The following ROBO2 variants were observed in gnomAD, a reference collection of about 807,000 sequenced individuals.
ROBO2 encodes roundabout guidance receptor 2.
A neutral mutation model predicts 160.8 loss-of-function variants in ROBO2; 53 were observed. The observed-to-expected ratio is 0.33, with a 90% CI of 0.26 to 0.41. The LOEUF (loss-of-function observed/expected upper bound fraction) is 0.41. Ranked by LOEUF, ROBO2 falls within the 10% of genes least tolerant of loss-of-function variation. ROBO2 has a pLI of 1.00. For synonymous variants in ROBO2, 664 were observed against 611.7 expected, an observed-to-expected ratio of 1.09 and a Z score of -1.26; for missense variants, 1,577 against 1,722.4, an observed-to-expected ratio of 0.92 and a Z score of 1.49.
At chr3:77,090,066 A>C (rs986203364) in intron 1 of ROBO2, among the ~76,000 whole-genome samples, 3 of 152,102 alleles carry the variant, frequency 2.0e-5, no homozygotes, top group Non-Finnish European at 4.4e-5. Context: ...TTGGAAATCT[A>C]GTGTAAAGCT....
intron 23 of ROBO2, chr3:77,632,780 TAC>T (rs2095192716): frequency 1.2e-6 from 1 of 843,508 alleles, no homozygotes; most frequent in African/African-American, 1.7e-5. Flanking sequence ...TACGCATGAA[TAC>T]AGTTTGGATG....
intron 2 of ROBO2, among the ~76,000 whole-genome samples, chr3:76,728,218 CT>C (rs1356150251): frequency 6.6e-6 from 1 of 152,106 alleles, no homozygotes; most frequent in Non-Finnish European, 1.5e-5. Context: ...CATATTCATT[CT>C]GTGTGTGTAT....
At chr3:77,114,123 C>A (rs2073965022) in intron 2 of ROBO2, among the ~76,000 whole-genome samples, 1 of 152,084 alleles carries the variant, frequency 6.6e-6, no homozygotes, top group Non-Finnish European at 1.5e-5. Flanking sequence ...ATTAACTACT[C>A]CTGTGATTTG....
chr3:76,432,941 G>GAGGA, intron 2 of ROBO2, among the ~76,000 whole-genome samples: 1 of 151,250 alleles, frequency 6.6e-6, no homozygotes, highest in Non-Finnish European at 1.5e-5. Flanking sequence ...GGGAAGGAGG[G>GAGGA]AGGAGACTCA....
chr3:76,800,555 G>A (rs974969170), intron 2 of ROBO2, among the ~76,000 whole-genome samples: 1 of 152,184 alleles, frequency 6.6e-6, no homozygotes, highest in Non-Finnish European at 1.5e-5. Context: ...TTTAAAAATA[G>A]GGAAAGGATC....
intron 2 of ROBO2, among the ~76,000 whole-genome samples, chr3:76,803,369 G>T (rs186321156): frequency 6.7e-6 from 1 of 149,808 alleles, no homozygotes; most frequent in Non-Finnish European, 1.5e-5. Flanking sequence ...AGGAGGAAGA[G>T]GAGGAGGAGG....
intron 2 of ROBO2, among the ~76,000 whole-genome samples, chr3:76,157,330 A>G (rs909274444): frequency 2.0e-5 from 3 of 152,016 alleles, no homozygotes; most frequent in Non-Finnish European, 2.9e-5. Context: ...GGCACCTAAG[A>G]GATTTGTGGG....
At chr3:77,627,084 AC>A (rs2095043213) in intron 23 of ROBO2, among the ~76,000 whole-genome samples, 1 of 152,188 alleles carries the variant, frequency 6.6e-6, no homozygotes, top group African/African-American at 2.4e-5. Flanking sequence ...AATTTCTTAG[AC>A]TACTTTTACA....
At chr3:76,345,614 G>A (rs367573392) in intron 2 of ROBO2, among the ~76,000 whole-genome samples, 1 of 151,780 alleles carries the variant, frequency 6.6e-6, no homozygotes. Context: ...TATCTAAAGA[G>A]TAAAATAAAT....
chr3:76,832,936 T>C (rs1490893748), intron 2 of ROBO2, among the ~76,000 whole-genome samples: 1 of 152,152 alleles, frequency 6.6e-6, no homozygotes, highest in East Asian at 1.9e-4. Context: ...GTAGTCTTTT[T>C]AAAATTAATC....
At chr3:76,030,118 G>T (rs1000337492) in intron 2 of ROBO2, among the ~76,000 whole-genome samples, 7 of 152,194 alleles carry the variant, frequency 4.6e-5, no homozygotes, top group Non-Finnish European at 7.3e-5. Context: ...GATGACCAGT[G>T]ATGATGAGCA....
intron 2 of ROBO2, among the ~76,000 whole-genome samples, chr3:76,890,098 C>G (rs746413365): frequency 2.4e-4 from 37 of 152,160 alleles, no homozygotes; most frequent in Non-Finnish European, 4.4e-4. Context: ...CAGACACTAT[C>G]ATCATCTGTT....
intron 2 of ROBO2, among the ~76,000 whole-genome samples, chr3:76,998,191 A>G (rs1484208990): frequency 6.6e-6 from 1 of 152,126 alleles, no homozygotes; most frequent in African/African-American, 2.4e-5. Context: ...CATATTAGGG[A>G]GCATTGATTG....
chr3:76,932,033 C>T (rs1054461770), intron 2 of ROBO2, among the ~76,000 whole-genome samples: 2 of 152,068 alleles, frequency 1.3e-5, no homozygotes, highest in African/African-American at 4.8e-5. Context: ...AAACATCCTC[C>T]AAAGACTTTA....
chr3:76,004,593 G>T (rs1044397085), intron 2 of ROBO2, among the ~76,000 whole-genome samples: 3 of 151,978 alleles, frequency 2.0e-5, no homozygotes, highest in Non-Finnish European at 4.4e-5. Context: ...TTGTCTCCTC[G>T]CATTGTAGAA....
Position 76,887,162 on chromosome 3 carries a change from A to G in ROBO2, c.110-210852A>G, listed in dbSNP as rs147142224. Among the ~76,000 whole-genome samples, 19 of 142,976 alleles carry G rather than the reference A, an allele frequency of 1.3e-4. No individual in the cohort carries two copies. In the East Asian group the frequency reaches 3.4e-3, roughly 25 times the overall value. 93.8% of individuals were successfully genotyped at this position (142,976 alleles called of 152,430 possible). A position where few individuals can be genotyped will look rare whatever the true frequency, so the allele number is the denominator to read the frequency against. ...TTTTGTTATTTGCTTTTTAATTACT[A>G]GTGAGATTGCCCTGCCTTTGCTTCA... On this transcript the variant is annotated intron_variant, in intron 2 of 26. Transcript: ENST00000487694.
intron 2 of ROBO2, among the ~76,000 whole-genome samples, chr3:76,555,358 G>GGAAGA (rs1201244951): frequency 2.9e-4 from 17 of 57,982 alleles, no homozygotes; most frequent in African/African-American, 8.8e-4. Flanking sequence ...AGTAGGAAGA[G>GGAAGA]AGAAGAAGAA....
intron 2 of ROBO2, among the ~76,000 whole-genome samples, chr3:76,037,180 A>T (rs1250821085): frequency 6.6e-6 from 1 of 151,974 alleles, no homozygotes; most frequent in Admixed American, 6.6e-5. Flanking sequence ...TCATCCTGAT[A>T]CATATTCCTA....
intron 1 of ROBO2, among the ~76,000 whole-genome samples, chr3:77,059,329 GAC>G (rs2066065049): frequency 6.6e-6 from 1 of 152,156 alleles, no homozygotes; most frequent in Non-Finnish European, 1.5e-5. Flanking sequence ...TGGGCTGGAT[GAC>G]ACAGATTATG....
Sources: allele counts gnomAD v4.1 joint callset (sites outside exome capture counted in the v4.1 genomes callset), GRCh38; gene constraint gnomAD v4.1.1; transcripts MANE v1.5; gene names NCBI Gene and HGNC (gene_info 2026-07-23, HGNC 2026-07-21).